The following SENP6 variants were observed in gnomAD, a reference collection of about 807,000 sequenced individuals.
The protein encoded by SENP6 is sentrin-specific protease 6.
A neutral mutation model predicts 134.5 loss-of-function variants in SENP6; 41 were observed. The ratio of observed to expected loss-of-function variants is 0.30; its 90% CI spans 0.24 to 0.40. The LOEUF is 0.40. Among genes scored for constraint, SENP6 ranks in the 10% least tolerant of loss-of-function variants. SENP6 has a pLI of 1.00. For synonymous variants in SENP6, 395 were observed against 429.8 expected (o/e 0.92, Z 1.00); for missense variants, 1,248 against 1,312.5 (o/e 0.95, Z 0.76).
chr6:75,616,405 A>G (rs928855314), intron 1 of SENP6, among the ~76,000 whole-genome samples: 1 of 152,044 alleles, frequency 6.6e-6, no homozygotes, highest in Admixed American at 6.5e-5. Flanking sequence ...TATCACTTCC[A>G]TGGAGGTTCT....
intron 16 of SENP6, among the ~76,000 whole-genome samples, chr6:75,694,509 C>T (rs188092347): frequency 2.0e-5 from 3 of 152,240 alleles, no homozygotes; most frequent in Admixed American, 2.0e-4. Context: ...GTTTCATTGC[C>T]CCATAAAGAA....
chr6:75,632,537 T>A (rs1769190660), intron 3 of SENP6, among the ~76,000 whole-genome samples: 1 of 152,232 alleles, frequency 6.6e-6, no homozygotes, highest in Non-Finnish European at 1.5e-5. Context: ...TGTAAACTGA[T>A]GTTTCTTTGC....
At chr6:75,666,311 A>G (rs1772241287) in intron 9 of SENP6, among the ~76,000 whole-genome samples, 1 of 148,648 alleles carries the variant, frequency 6.7e-6, no homozygotes, top group East Asian at 1.9e-4. Flanking sequence ...AGTTTCACAC[A>G]TATTTACAAT....
chr6:75,611,910 A>C (rs1159187314), intron 1 of SENP6: 1 of 152,260 alleles, frequency 6.6e-6, no homozygotes, highest in Non-Finnish European at 1.5e-5. Context: ...TGGGGTGCTA[A>C]GGGAAAGAAC....
At chr6:75,706,665 TTTTTG>T (rs1456638424) in intron 19 of SENP6, among the ~76,000 whole-genome samples, 1 of 151,048 alleles carries the variant, frequency 6.6e-6, no homozygotes, top group African/African-American at 2.4e-5. Context: ...AGTTTGTACA[TTTTTG>T]TTTTGTTTTT....
At position 75,602,466 on chromosome 6, in the gene SENP6, G is replaced by C. The variant is rs1325829138; in HGVS notation, c.-59G>C. 6.5e-7 allele frequency: 1 copy of C among 1,544,588 alleles called. No individual in the cohort carries two copies. The highest frequency in any genetic ancestry group is 1.4e-5 in the African/African-American group (1 of 72,922). On this transcript the variant is annotated 5_prime_UTR_variant, in exon 1 of 24. Coordinates refer to ENST00000447266, the MANE Select transcript of SENP6 (RefSeq NM_015571.4). ...TCCTCCGGCGCGGCCCCTCATCCCGGCGAGCACGGCGGCGGTGTGGGCCAT... is the reference window on the plus strand; with the variant it reads ...TCCTCCGGCGCGGCCCCTCATCCCGCCGAGCACGGCGGCGGTGTGGGCCAT...
At chr6:75,705,839 CTA>C (rs1436105578) in intron 19 of SENP6, among the ~76,000 whole-genome samples, 1 of 148,924 alleles carries the variant, frequency 6.7e-6, no homozygotes, top group Non-Finnish European at 1.5e-5. Context: ...CAGAAAGAAC[CTA>C]TCAAAAATTG....
chr6:75,692,737 C>G (rs1237187670), intron 16 of SENP6, among the ~76,000 whole-genome samples: 1 of 151,888 alleles, frequency 6.6e-6, no homozygotes, highest in African/African-American at 2.4e-5. Context: ...CTCCCCGCAT[C>G]CCACTCCTCC....
intron 5 of SENP6, 40 bp downstream of exon 5, chr6:75,634,851 ATCT>A (rs1389907144): frequency 7.9e-7 from 1 of 1,272,490 alleles, no homozygotes; most frequent in Non-Finnish European, 1.1e-6. Flanking sequence ...TATACATGGC[ATCT>A]TCTTCAATAG....
intron 11 of SENP6, among the ~76,000 whole-genome samples, chr6:75,674,375 G>T (rs1279483121): frequency 9.9e-5 from 15 of 152,078 alleles, no homozygotes; most frequent in Admixed American, 7.2e-4. Flanking sequence ...AGGCTGGAGT[G>T]CAGTGGCACA....
chr6:75,620,080 C>A (rs1213036185), intron 1 of SENP6, among the ~76,000 whole-genome samples: 1 of 99,212 alleles, frequency 1.0e-5, no homozygotes, highest in Non-Finnish European at 2.4e-5. Context: ...GCTACCTTGC[C>A]TCAAAAAAAA....
intron 8 of SENP6, among the ~76,000 whole-genome samples, chr6:75,662,364 G>T (rs1368821717): frequency 1.3e-5 from 2 of 151,890 alleles, no homozygotes; most frequent in South Asian, 2.1e-4. Flanking sequence ...TGAACTCTTG[G>T]CCCTAAAGAG....
intron 6 of SENP6, chr6:75,646,537 T>TA (rs1231670065): frequency 6.6e-6 from 1 of 152,196 alleles, no homozygotes; most frequent in African/African-American, 2.4e-5. Flanking sequence ...TGACTGCTAT[T>TA]ATAAGTACAC....
At chr6:75,664,901 C>A (rs1772077471) in intron 9 of SENP6, among the ~76,000 whole-genome samples, 1 of 152,122 alleles carries the variant, frequency 6.6e-6, no homozygotes, top group South Asian at 2.1e-4. Flanking sequence ...CAGGGAGAAA[C>A]AGATAAACAA....
chr6:75,689,003 TTGC>T (rs1443926252), intron 16 of SENP6, among the ~76,000 whole-genome samples: 1 of 152,046 alleles, frequency 6.6e-6, no homozygotes, highest in Non-Finnish European at 1.5e-5. Flanking sequence ...GAGGTGGAGG[TTGC>T]GGGGAGCCGA....
At position 75,640,700 on chromosome 6, in the gene SENP6, G is replaced by T; in HGVS notation, c.475G>T (p.Glu159Ter). 1 of 1,513,962 alleles carries T rather than the reference G, an allele frequency of 6.6e-7. No individual in the cohort carries two copies. 93.8% of individuals were successfully genotyped at this position (1,513,962 alleles called of 1,614,324 possible). A position where few individuals can be genotyped will look rare whatever the true frequency, so the allele number is the denominator to read the frequency against. ...TAAQSSLDRK[E>*]RKEYPPHVQK... ...TGTTTTAAGCAGTCTGGACCGAAAA[G>T]AAAGGTAAGCTTAATATTGAAGAAA... The change falls in exon 6 of 24, where the codon GAA becomes TAA. Residue 159 changes from glutamate to a stop codon, truncating the protein, a stop_gained. Coordinates refer to ENST00000447266, the MANE Select transcript of SENP6 (RefSeq NM_015571.4). LOFTEE classifies it high-confidence loss of function.
At position 75,678,639 on chromosome 6, in the gene SENP6, T is replaced by TGAA; in HGVS notation, c.1915_1917dup (p.Glu639dup). 1 of 1,605,226 alleles carries TGAA rather than the reference T, an allele frequency of 6.2e-7. No homozygotes were observed. The highest frequency in any genetic ancestry group is 8.5e-7 in the Non-Finnish European group (1 of 1,174,344). Reference sequence around the variant, plus strand: ...GCAAACAAGAATTTCAGTTTTTTGATGAAGAAGAAGAAACTGGAGAAAACC... The same window carrying TGAA: ...GCAAACAAGAATTTCAGTTTTTTGATGAAGAAGAAGAAGAAACTGGAGAAAACC... On this transcript the variant is annotated inframe_insertion, in exon 15 of 24. Transcript: ENST00000447266.
At chr6:75,705,925 C>CTTTTTTTTTTTTTTTTTTTTTGTTTT (rs1775372418) in intron 19 of SENP6, among the ~76,000 whole-genome samples, 1 of 47,942 alleles carries the variant, frequency 2.1e-5, no homozygotes, top group Non-Finnish European at 3.5e-5. Flanking sequence ...ATTTTTGAGC[C>CTTTTTTTTTTTTTTTTTTTTTGTTTT]TTTTTTTTTT....
intron 1 of SENP6, among the ~76,000 whole-genome samples, chr6:75,615,691 A>T (rs1172060931): frequency 6.6e-6 from 1 of 152,176 alleles, no homozygotes; most frequent in Non-Finnish European, 1.5e-5. Flanking sequence ...GTCACTGTCA[A>T]GTTTAGGATC....
Sources: allele counts gnomAD v4.1 joint callset (sites outside exome capture counted in the v4.1 genomes callset), GRCh38; gene constraint gnomAD v4.1.1; transcripts MANE v1.5; gene names NCBI Gene and HGNC (gene_info 2026-07-23, HGNC 2026-07-21).